The following ODR4 variants were observed in gnomAD, a reference collection of about 807,000 sequenced individuals.
The protein encoded by ODR4 is protein odr-4 homolog.
Under a neutral mutation model 60.2 loss-of-function variants are expected in ODR4, and 47 were observed. That is an observed-to-expected ratio of 0.78 (90% CI 0.62 to 1.00). The LOEUF (loss-of-function observed/expected upper bound fraction) is 1.00. ODR4 is among the 50% of genes least tolerant of loss of function. The probability of loss-of-function intolerance (pLI) is 0.00; values close to 1 mark genes in which losing one functional copy is unlikely to be tolerated. For synonymous variants in ODR4, 178 were observed against 175.5 expected (o/e 1.01, Z -0.11); for missense variants, 488 against 530.8 (o/e 0.92, Z 0.79).
downstream of ODR4, among the ~76,000 whole-genome samples, chr1:186,422,850 A>AT (rs1342974657): frequency 6.6e-6 from 1 of 152,220 alleles, no homozygotes; most frequent in Non-Finnish European, 1.5e-5. Flanking sequence ...AAATCAATGA[A>AT]TTAGAAACTG....
At chr1:186,430,650 T>C in the ODR4 span, among the ~76,000 whole-genome samples, 1 of 152,086 alleles carries the variant, frequency 6.6e-6, no homozygotes, top group African/African-American at 2.4e-5. Context: ...TATTAAAATA[T>C]TTTCTAGTTT....
chr1:186,379,069 C>T (rs1230214139), intron 1 of ODR4, among the ~76,000 whole-genome samples: 4 of 152,084 alleles, frequency 2.6e-5, no homozygotes, highest in Non-Finnish European at 2.9e-5. Context: ...TTCATGTTTA[C>T]GATTTTAGCA....
chr1:186,417,725 C>T, intron 13 of ODR4, 71 bp downstream of exon 13: 1 of 816,944 alleles, frequency 1.2e-6, no homozygotes. Context: ...ACTTTAAGAT[C>T]TTTGTATTTC....
chr1:186,400,040 G>A (rs904687392), intron 11 of ODR4, among the ~76,000 whole-genome samples: 3 of 126,692 alleles, frequency 2.4e-5, no homozygotes, highest in East Asian at 2.3e-4. Context: ...CGCCCAGGCT[G>A]GAGTGCAGTG....
At position 186,401,509 on chromosome 1, in the gene ODR4, T is replaced by A. The variant is rs1323090641; in HGVS notation, c.1000+2465T>A. ...CTCTCTTTCTTTCTTTCTCTCTCTC[T>A]CTCTCTCCTTCCTTCCTTCCTTCCT... On this transcript the variant is annotated intron_variant, in intron 11 of 13. Coordinates refer to ENST00000287859, the MANE Select transcript of ODR4 (RefSeq NM_017847.6). The A allele has an allele frequency of 3.5e-5, 7 of 198,028 alleles. No homozygotes were observed. In the East Asian group the frequency reaches 1.2e-3, roughly 34 times the overall value. The allele number at this position is 198,028 out of a possible 1,614,324, so 12.3% of individuals were successfully genotyped here. A position where few individuals can be genotyped will look rare whatever the true frequency, so the allele number is the denominator to read the frequency against.
intron 8 of ODR4, among the ~76,000 whole-genome samples, chr1:186,392,582 C>T (rs1048564900): frequency 6.6e-6 from 1 of 152,072 alleles, no homozygotes; most frequent in African/African-American, 2.4e-5. Context: ...TTTGGGGGGC[C>T]GAGGTGGGTG....
chr1:186,391,428 A>C (rs1660464913), intron 7 of ODR4, among the ~76,000 whole-genome samples: 1 of 150,028 alleles, frequency 6.7e-6, no homozygotes, highest in Non-Finnish European at 1.5e-5. Context: ...ATTTTATTTA[A>C]CTGATCATGT....
chr1:186,397,137 A>G (rs1660713762), intron 9 of ODR4, among the ~76,000 whole-genome samples: 1 of 152,200 alleles, frequency 6.6e-6, no homozygotes, highest in Admixed American at 6.5e-5. Context: ...TTGTTTAACA[A>G]CACCTAGAAG....
chr1:186,416,103 G>C (rs1312883656), intron 12 of ODR4, among the ~76,000 whole-genome samples: 3 of 151,964 alleles, frequency 2.0e-5, no homozygotes, highest in Non-Finnish European at 2.9e-5. Context: ...TTAAAAATAT[G>C]AAAAACAGAT....
intron 9 of ODR4, 39 bp downstream of exon 9, chr1:186,394,054 A>G (rs1315290226): frequency 9.2e-7 from 1 of 1,086,530 alleles, no homozygotes; most frequent in South Asian, 1.5e-5. Flanking sequence ...ATTTATTAGC[A>G]TAACCATAAT....
Position 186,379,758 on chromosome 1 carries a change from GT to G in ODR4, c.-19-8del, listed in dbSNP as rs747774537. On this transcript the variant is annotated splice_polypyrimidine_tract_variant and splice_region_variant and intron_variant, in intron 1 of 13. Transcript: ENST00000287859. ...CCTAAATGCTGTATCTTTTCTTCTTGTGATATAGGAGATTTTAGTTCCTAAA... is the reference window on the plus strand; with the variant it reads ...CCTAAATGCTGTATCTTTTCTTCTTGGATATAGGAGATTTTAGTTCCTAAA... The G allele has an allele frequency of 2.0e-5, 27 of 1,375,784 alleles. No homozygotes were observed. The South Asian group carries it at 3.4e-4, about 17-fold the overall frequency. The allele number at this position is 1,375,784 out of a possible 1,614,324, so 85.2% of individuals were successfully genotyped here. A position where few individuals can be genotyped will look rare whatever the true frequency, so the allele number is the denominator to read the frequency against.
At chr1:186,421,692 C>T (rs1006974623), downstream of ODR4, among the ~76,000 whole-genome samples, 2 of 151,794 alleles carry the variant, frequency 1.3e-5, no homozygotes, top group African/African-American at 4.8e-5. Context: ...GGTGAAATCC[C>T]GTTCTACCAA....
chr1:186,411,407 T>G (rs1263924806), intron 12 of ODR4, among the ~76,000 whole-genome samples: 1 of 152,194 alleles, frequency 6.6e-6, no homozygotes, highest in African/African-American at 2.4e-5. Flanking sequence ...GTATTGAAAG[T>G]TTCATAGTTT....
chr1:186,390,694 C>G lies in ODR4; in HGVS notation c.475-17C>G, dbSNP rs367658772. The G allele has an allele frequency of 6.2e-7, 1 of 1,611,794 alleles. No homozygotes were observed. Among genetic ancestry groups the G allele is most frequent in the Non-Finnish European group, 8.5e-7 (1 of 1,178,748 alleles). Reference sequence around the variant, plus strand: ...TAGACTACATCATAGTTATTTTTCTCCCTTCTCCACTGCTAGAGTTCAGCA... The same window carrying G: ...TAGACTACATCATAGTTATTTTTCTGCCTTCTCCACTGCTAGAGTTCAGCA... On this transcript the variant is annotated splice_polypyrimidine_tract_variant and intron_variant, in intron 6 of 13. Coordinates refer to ENST00000287859, the MANE Select transcript of ODR4 (RefSeq NM_017847.6).
At chr1:186,393,706 G>T (rs190046455) in intron 8 of ODR4, among the ~76,000 whole-genome samples, 1 of 152,280 alleles carries the variant, frequency 6.6e-6, no homozygotes, top group Non-Finnish European at 1.5e-5. Flanking sequence ...GTGGGTATTT[G>T]CCCACAGGCA....
intron 5 of ODR4, 100 bp downstream of exon 5, chr1:186,388,648 G>A: frequency 4.7e-6 from 3 of 634,102 alleles, no homozygotes. Context: ...TTAAAAAATA[G>A]GCATAGTTTT....
At chr1:186,412,311 A>G (rs1307864172) in intron 12 of ODR4, among the ~76,000 whole-genome samples, 2 of 152,212 alleles carry the variant, frequency 1.3e-5, no homozygotes, top group Admixed American at 6.5e-5. Flanking sequence ...GAGAAGAGTC[A>G]GAACTCTTAG....
intron 11 of ODR4, among the ~76,000 whole-genome samples, chr1:186,405,519 C>T (rs1171874332): frequency 6.6e-6 from 1 of 152,154 alleles, no homozygotes; most frequent in Non-Finnish European, 1.5e-5. Context: ...GTGTAATCAA[C>T]AGCTTTACAT....
downstream of ODR4, among the ~76,000 whole-genome samples, chr1:186,424,201 T>G (rs1174709946): frequency 6.6e-6 from 1 of 152,212 alleles, no homozygotes; most frequent in Non-Finnish European, 1.5e-5. Flanking sequence ...TGTAATTTTA[T>G]TCAGCAGGGA....
Sources: gnomAD v4.1 joint callset for allele counts (sites outside exome capture counted in the v4.1 genomes callset) on GRCh38, gnomAD v4.1.1 for gene constraint, MANE v1.5 for transcripts, NCBI Gene and HGNC (gene_info 2026-07-23, HGNC 2026-07-21) for gene names.